Variants in SCD5 observed in about 807,000 individuals in gnomAD.
The protein encoded by SCD5 is stearoyl-CoA desaturase 5.
A neutral mutation model predicts 30.4 loss-of-function variants in SCD5; 20 were observed. The observed-to-expected ratio is 0.66, with a 90% CI of 0.46 to 0.96. The LOEUF (loss-of-function observed/expected upper bound fraction) is 0.96, where lower values mean the gene tolerates loss of function less well. Among genes scored for constraint, SCD5 ranks in the 40% least tolerant of loss-of-function variants. The pLI is 0.00. For missense variants in SCD5, 381 were observed against 443.3 expected (o/e 0.86, Z 1.26); for synonymous variants, 173 against 176.4 (o/e 0.98, Z 0.16).
chr4:82,649,338 C>A (rs1727697858), intron 3 of SCD5, among the ~76,000 whole-genome samples: 1 of 152,040 alleles, frequency 6.6e-6, no homozygotes, highest in African/African-American at 2.4e-5. Context: ...TACCAGAGGT[C>A]TGTGACAAGG....
intron 2 of SCD5, among the ~76,000 whole-genome samples, chr4:82,688,863 C>A (rs1728768634): frequency 6.6e-6 from 1 of 152,104 alleles, no homozygotes; most frequent in Non-Finnish European, 1.5e-5. Flanking sequence ...TCAAATAAGA[C>A]TTTTCACTTT....
At chr4:82,795,240 T>C (rs1280928701) in intron 1 of SCD5, among the ~76,000 whole-genome samples, 1 of 152,138 alleles carries the variant, frequency 6.6e-6, no homozygotes, top group African/African-American at 2.4e-5. Flanking sequence ...TCATCTGGTG[T>C]GGAGGGTGGC....
At chr4:82,682,923 C>G (rs1728611909) in intron 2 of SCD5, among the ~76,000 whole-genome samples, 1 of 152,206 alleles carries the variant, frequency 6.6e-6, no homozygotes, top group African/African-American at 2.4e-5. Context: ...TCATGCAATT[C>G]TCCTGTCTCA....
chr4:82,738,745 C>T (rs924961220), intron 1 of SCD5, among the ~76,000 whole-genome samples: 1 of 152,228 alleles, frequency 6.6e-6, no homozygotes, highest in African/African-American at 2.4e-5. Flanking sequence ...GATACAACTA[C>T]ATAGCAGTTC....
At chr4:82,775,557 A>C (rs1034647382) in intron 1 of SCD5, 2 of 152,276 alleles carry the variant, frequency 1.3e-5, no homozygotes, top group African/African-American at 2.4e-5. Flanking sequence ...ATGTTCAAGG[A>C]CCAGGCTATT....
intron 3 of SCD5, among the ~76,000 whole-genome samples, chr4:82,665,284 A>G (rs1728161706): frequency 1.3e-5 from 2 of 150,076 alleles, no homozygotes; most frequent in African/African-American, 4.9e-5. Context: ...AGGTTAAAAA[A>G]ATTAAATATA....
intron 2 of SCD5, among the ~76,000 whole-genome samples, chr4:82,690,589 T>C (rs992802019): frequency 1.3e-5 from 2 of 152,152 alleles, no homozygotes; most frequent in African/African-American, 4.8e-5. Context: ...GTAATTTTCC[T>C]CTCCACAATA....
intron 3 of SCD5, among the ~76,000 whole-genome samples, chr4:82,677,003 T>C (rs1397511990): frequency 2.0e-5 from 3 of 152,212 alleles, no homozygotes; most frequent in Non-Finnish European, 2.9e-5. Flanking sequence ...GACTGTAAAA[T>C]GGAAAGCTGA....
chr4:82,646,906 T>C (rs907954212), intron 3 of SCD5, among the ~76,000 whole-genome samples: 5 of 152,132 alleles, frequency 3.3e-5, no homozygotes, highest in African/African-American at 7.2e-5. Context: ...CACTGCAACC[T>C]CCGCTTCCTG....
At chr4:82,751,393 C>T (rs1490701382) in intron 1 of SCD5, among the ~76,000 whole-genome samples, 1 of 152,136 alleles carries the variant, frequency 6.6e-6, no homozygotes, top group Admixed American at 6.6e-5. Flanking sequence ...TAACTACTTG[C>T]ATTCGACATT....
intron 3 of SCD5, among the ~76,000 whole-genome samples, chr4:82,672,730 GA>G (rs1487534590): frequency 6.6e-6 from 1 of 151,928 alleles, no homozygotes; most frequent in African/African-American, 2.4e-5. Flanking sequence ...ACTCAAACAA[GA>G]CAAAGATATT....
At chr4:82,755,583 G>A (rs1721217679) in intron 1 of SCD5, among the ~76,000 whole-genome samples, 1 of 152,182 alleles carries the variant, frequency 6.6e-6, no homozygotes, top group Non-Finnish European at 1.5e-5. Context: ...AGTGGAACCT[G>A]TCCAACACTT....
chr4:82,762,656 C>T (rs148272234), intron 1 of SCD5, among the ~76,000 whole-genome samples: 12 of 152,272 alleles, frequency 7.9e-5, no homozygotes, highest in African/African-American at 1.2e-4. Context: ...AATAAGAGGC[C>T]ACTTGTTGTG....
At chr4:82,716,814 A>G (rs1024450608) in intron 1 of SCD5, among the ~76,000 whole-genome samples, 1 of 151,848 alleles carries the variant, frequency 6.6e-6, no homozygotes, top group Admixed American at 6.5e-5. Context: ...ACTCAGTCTC[A>G]ATAAACAAAA....
chr4:82,631,822 T>C (rs1727301622), intron 4 of SCD5, among the ~76,000 whole-genome samples: 1 of 152,198 alleles, frequency 6.6e-6, no homozygotes, highest in Admixed American at 6.5e-5. Flanking sequence ...AGATCATCGT[T>C]TTGATGTACA....
intron 1 of SCD5, among the ~76,000 whole-genome samples, chr4:82,759,200 T>C (rs1306434211): frequency 6.6e-6 from 1 of 152,158 alleles, no homozygotes; most frequent in Non-Finnish European, 1.5e-5. Context: ...GGGAATTGAG[T>C]TCATTCTGCT....
At chr4:82,751,368 G>A (rs1721098808) in intron 1 of SCD5, among the ~76,000 whole-genome samples, 1 of 152,154 alleles carries the variant, frequency 6.6e-6, no homozygotes, top group African/African-American at 2.4e-5. Context: ...GCTAAGAGAA[G>A]AGGAGTTTGA....
At chr4:82,658,928 C>T (rs1332907235) in intron 3 of SCD5, among the ~76,000 whole-genome samples, 2 of 152,054 alleles carry the variant, frequency 1.3e-5, no homozygotes, top group Non-Finnish European at 2.9e-5. Context: ...CCTCTTTTTA[C>T]CTCTGGTAGA....
intron 1 of SCD5, among the ~76,000 whole-genome samples, chr4:82,769,111 G>A (rs1313115143): frequency 1.3e-5 from 2 of 152,042 alleles, no homozygotes; most frequent in Admixed American, 6.6e-5. Context: ...CAGGTCCCTA[G>A]GAGCCCCCAT....
Sources: gnomAD v4.1 joint callset for allele counts (sites outside exome capture counted in the v4.1 genomes callset) on GRCh38, gnomAD v4.1.1 for gene constraint, MANE v1.5 for transcripts, NCBI Gene and HGNC (gene_info 2026-07-23, HGNC 2026-07-21) for gene names.